TRMT1L: variants seen among roughly 807,000 people sequenced by gnomAD.
TRMT1L encodes tRNA (guanine(27)-N(2))-dimethyltransferase.
Under a neutral mutation model 81.6 loss-of-function variants are expected in TRMT1L, and 28 were observed. The ratio of observed to expected loss-of-function variants is 0.34; its 90% CI spans 0.25 to 0.47. The LOEUF (loss-of-function observed/expected upper bound fraction) is 0.47, where lower values mean the gene tolerates loss of function less well. Ranked by LOEUF, TRMT1L falls within the 20% of genes least tolerant of loss-of-function variation. The probability of loss-of-function intolerance (pLI) is 1.00; values close to 1 mark genes in which losing one functional copy is unlikely to be tolerated. For missense variants in TRMT1L, 739 were observed against 877.1 expected (o/e 0.84, Z 1.99); for synonymous variants, 301 against 303.2 (o/e 0.99, Z 0.07).
At chr1:185,128,962 A>G (rs1223351822) in intron 10 of TRMT1L, among the ~76,000 whole-genome samples, 1 of 152,160 alleles carries the variant, frequency 6.6e-6, no homozygotes, top group African/African-American at 2.4e-5. Flanking sequence ...ACACATATAT[A>G]TATTTTTTTA....
intron 11 of TRMT1L, 149 bp downstream of exon 11, chr1:185,128,520 A>C: frequency 1.4e-6 from 1 of 697,622 alleles, no homozygotes; most frequent in Non-Finnish European, 2.4e-6. Flanking sequence ...TAAACACCTC[A>C]GGTTCATAGG....
chr1:185,147,228 CA>C lies in TRMT1L; in HGVS notation c.478del (p.Cys160ValfsTer8). 6.2e-7 allele frequency: 1 copy of C among 1,609,126 alleles called. No individual in the cohort carries two copies. Among genetic ancestry groups the C allele is most frequent in the East Asian group, 2.2e-5 (1 of 44,680 alleles). On this transcript the variant is annotated frameshift_variant, in exon 4 of 15. Transcript: ENST00000367506. LOFTEE classifies it high-confidence loss of function. ...VEFEGYRMCI[C>X]HLPCRPVKPN... The stretch of plus-strand genomic sequence containing the variant: ...TTTCACTGGTCGACAAGGTAAGTGA[CA>C]GATGCACATCCTGTAACCTAAAATA...
intron 11 of TRMT1L, 149 bp from the exon 12 acceptor site, chr1:185,125,259 A>C (rs1193697582): frequency 3.9e-6 from 2 of 517,290 alleles, no homozygotes; most frequent in African/African-American, 4.0e-5. Context: ...GATTTAATTT[A>C]AAACTGTTTA....
intron 5 of TRMT1L, 115 bp from the exon 6 acceptor site, chr1:185,144,144 A>T: frequency 9.1e-7 from 1 of 1,101,166 alleles, no homozygotes; most frequent in Non-Finnish European, 1.2e-6. Context: ...ATACATTTTG[A>T]AAAATAACTT....
chr1:185,148,342 C>T (rs1653243065), intron 3 of TRMT1L, among the ~76,000 whole-genome samples: 1 of 152,176 alleles, frequency 6.6e-6, no homozygotes, highest in Non-Finnish European at 1.5e-5. Context: ...TCCTAATGCA[C>T]TGTTCTCCAG....
At chr1:185,137,896 T>C in intron 9 of TRMT1L, 100 bp from the exon 10 acceptor site, 1 of 1,145,014 alleles carries the variant, frequency 8.7e-7, no homozygotes, top group South Asian at 1.7e-5. Flanking sequence ...ATGGATAAGT[T>C]ATGGGACATC....
At chr1:185,122,540 G>A (rs1652524467) in intron 13 of TRMT1L, among the ~76,000 whole-genome samples, 1 of 151,932 alleles carries the variant, frequency 6.6e-6, no homozygotes, top group Admixed American at 6.6e-5. Flanking sequence ...GTGCTACTGT[G>A]CTCTTGGCTT....
At chr1:185,152,036 T>TTA (rs1653365823) in intron 1 of TRMT1L, 101 bp from the exon 2 acceptor site, 2 of 595,942 alleles carry the variant, frequency 3.4e-6, no homozygotes, top group Non-Finnish European at 5.4e-6. Context: ...TAACACAGTG[T>TTA]TATGGACCTA....
intron 3 of TRMT1L, among the ~76,000 whole-genome samples, chr1:185,149,450 A>C (rs1653282025): frequency 6.6e-6 from 1 of 151,990 alleles, no homozygotes; most frequent in Non-Finnish European, 1.5e-5. Flanking sequence ...CTACAGGCAC[A>C]GGCCACCTCG....
At chr1:185,144,257 A>G (rs1223523996) in intron 5 of TRMT1L, among the ~76,000 whole-genome samples, 1 of 152,080 alleles carries the variant, frequency 6.6e-6, no homozygotes, top group Non-Finnish European at 1.5e-5. Flanking sequence ...ACACTCAGTT[A>G]AACATCTGAT....
chr1:185,144,412 T>A (rs189454393), intron 5 of TRMT1L, among the ~76,000 whole-genome samples: 1 of 152,112 alleles, frequency 6.6e-6, no homozygotes, highest in East Asian at 1.9e-4. Flanking sequence ...CTAAATATAT[T>A]TCACTATGGT....
At chr1:185,138,389 C>T (rs1448973682) in intron 9 of TRMT1L, among the ~76,000 whole-genome samples, 1 of 152,048 alleles carries the variant, frequency 6.6e-6, no homozygotes, top group Non-Finnish European at 1.5e-5. Flanking sequence ...CAGTTAAGTC[C>T]TTAGCATGCA....
rs1417343597 is a variant in TRMT1L, at chr1:185,120,087, T to C, written c.2134A>G (p.Thr712Ala). The C allele has an allele frequency of 6.2e-7, 1 of 1,614,020 alleles. No homozygotes were observed. Among genetic ancestry groups the C allele is most frequent in the African/African-American group, 1.3e-5 (1 of 75,028 alleles). The change falls in exon 15 of 15, where the codon ACA (threonine) becomes GCA (alanine). Residue 712 changes from threonine to alanine, a missense_variant. Thr to Ala is a moderately conservative substitution (Grantham distance 58, BLOSUM62 0). Transcript: ENST00000367506. ...ESHVQSASED[T>A]VTERVEMSVN... Reference sequence around the variant, plus strand: ...GACATTTCAACTCTTTCAGTTACTGTATCTTCAGATGCTGACTGGACATGG... The same window carrying C: ...GACATTTCAACTCTTTCAGTTACTGCATCTTCAGATGCTGACTGGACATGG...
intron 7 of TRMT1L, 150 bp downstream of exon 7, chr1:185,143,207 T>C: frequency 1.7e-6 from 1 of 575,850 alleles, no homozygotes. Flanking sequence ...TATACTCTAA[T>C]ATACATTTAA....
chr1:185,137,789 C>T lies in TRMT1L; in HGVS notation c.1330G>A (p.Ala444Thr), dbSNP rs779430928. ...IVVAAVARAAARCNKGIEVLF... is the reference protein window; with the variant it reads ...IVVAAVARAATRCNKGIEVLF... ...ACTTCTATGCCTTTGTTGCATCGGG[C>T]TGCAGCTCTACAATAAATTTTTTCA... Residue 444 changes from alanine to threonine, a missense_variant, in exon 10 of 15, where the codon GCC becomes ACC. Around this residue, in one of 4 missense-constraint regions of TRMT1L, gnomAD observed 331 missense variants for 462.2 expected, o/e 0.72. Transcript: ENST00000367506. The T allele has an allele frequency of 1.6e-5, 26 of 1,611,842 alleles. No homozygotes were observed. The highest frequency in any genetic ancestry group is 2.0e-5 in the Non-Finnish European group (24 of 1,179,456).
At chr1:185,156,398 G>T in intron 1 of TRMT1L, 80 bp downstream of exon 1, 2 of 1,612,268 alleles carry the variant, frequency 1.2e-6, no homozygotes, top group South Asian at 2.2e-5. Flanking sequence ...AAACCATCCC[G>T]GTGAAGGGCC....
At chr1:185,136,448 T>C (rs1281082218) in intron 10 of TRMT1L, among the ~76,000 whole-genome samples, 1 of 151,910 alleles carries the variant, frequency 6.6e-6, no homozygotes, top group Non-Finnish European at 1.5e-5. Context: ...TAGAGGAAAC[T>C]AAAAGTAAGG....
At chr1:185,141,538 T>C (rs758617989) in intron 7 of TRMT1L, among the ~76,000 whole-genome samples, 1 of 152,116 alleles carries the variant, frequency 6.6e-6, no homozygotes, top group Non-Finnish European at 1.5e-5. Context: ...GCCCTGTCTC[T>C]ACTAAAAATA....
chr1:185,141,132 A>G (rs1390491415), intron 7 of TRMT1L, among the ~76,000 whole-genome samples: 2 of 152,206 alleles, frequency 1.3e-5, no homozygotes, highest in Non-Finnish European at 2.9e-5. Context: ...AGCCCAGCCA[A>G]CATAGATTAG....
Sources: gnomAD v4.1 joint callset for allele counts (sites outside exome capture counted in the v4.1 genomes callset) on GRCh38, gnomAD v4.1.1 for gene constraint, gnomAD v4.1.1 regional missense constraint, MANE v1.5 for transcripts, NCBI Gene and HGNC (gene_info 2026-07-23, HGNC 2026-07-21) for gene names.